Variants in CDC7 observed in about 807,000 individuals in gnomAD.
The protein encoded by CDC7 is cell division cycle 7-related protein kinase.
Under a neutral mutation model 53.5 loss-of-function variants are expected in CDC7, and 34 were observed. The observed-to-expected ratio is 0.64, with a 90% CI of 0.48 to 0.85. The LOEUF (loss-of-function observed/expected upper bound fraction) is 0.85, where lower values mean the gene tolerates loss of function less well. Among genes scored for constraint, CDC7 ranks in the 40% least tolerant of loss-of-function variants. The probability of loss-of-function intolerance (pLI) is 0.00; values close to 1 mark genes in which losing one functional copy is unlikely to be tolerated. For missense variants in CDC7, 594 were observed against 679.7 expected, an observed-to-expected ratio of 0.87 and a Z score of 1.40; for synonymous variants, 211 against 222.8, an observed-to-expected ratio of 0.95 and a Z score of 0.47.
chr1:91,525,231 A>AGATT lies in CDC7; in HGVS notation c.*800_*803dup. On this transcript the variant is annotated 3_prime_UTR_variant, in exon 12 of 12. Coordinates refer to ENST00000234626, the MANE Select transcript of CDC7 (RefSeq NM_003503.4). ...AAGGGAAGCTGCAGGACCAAGGTGAAGATTGATAGTCCAAATGCTTTTCTT... is the reference window on the plus strand; with the variant it reads ...AAGGGAAGCTGCAGGACCAAGGTGAAGATTGATTGATAGTCCAAATGCTTTTCTT... 1 of 152,280 alleles carries AGATT rather than the reference A, an allele frequency of 6.6e-6. No homozygotes were observed. The highest frequency in any genetic ancestry group is 1.9e-4 in the East Asian group (1 of 5,190). The allele number at this position is 152,280 out of a possible 1,614,324, so 9.4% of individuals were successfully genotyped here. A position where few individuals can be genotyped will look rare whatever the true frequency, so the allele number is the denominator to read the frequency against.
Position 91,525,623 on chromosome 1 carries a change from G to A in CDC7, c.*1188G>A, listed in dbSNP as rs1451174784. 1.3e-5 allele frequency: 2 copies of A among 151,920 alleles called. No homozygotes were observed. Among genetic ancestry groups the A allele is most frequent in the Non-Finnish European group, 2.9e-5 (2 of 67,922 alleles). The allele number at this position is 151,920 out of a possible 1,614,324, so 9.4% of individuals were successfully genotyped here. A position where few individuals can be genotyped will look rare whatever the true frequency, so the allele number is the denominator to read the frequency against. The stretch of plus-strand genomic sequence containing the variant: ...ATTTTGTTATTTTGAGCATTGATAG[G>A]TCAGTATATCTACCTAATCTGTTTG... On this transcript the variant is annotated 3_prime_UTR_variant, in exon 12 of 12. Coordinates refer to ENST00000234626, the MANE Select transcript of CDC7 (RefSeq NM_003503.4).
intron 11 of CDC7, among the ~76,000 whole-genome samples, chr1:91,523,470 C>A (rs1161596490): frequency 6.6e-6 from 1 of 152,008 alleles, no homozygotes; most frequent in Non-Finnish European, 1.5e-5. Context: ...AGAGCTCAGT[C>A]TACTAGGTGG....
In CDC7 at chr1:91,502,749, A is replaced by G. The variant is rs139262622; in HGVS notation, c.115+918A>G. 1.7e-3 allele frequency among the ~76,000 whole-genome samples: 254 copies of G among 152,168 alleles called. 1 individual carries two copies. Among genetic ancestry groups the G allele is most frequent in the African/African-American group, 5.7e-3 (238 of 41,508 alleles). The stretch of plus-strand genomic sequence containing the variant: ...TTCTTTCCATTCCCATTTCCACCAC[A>G]TTAATTAATTTCCTTACACTTTGTT... On this transcript the variant is annotated intron_variant, in intron 2 of 11. Transcript: ENST00000234626.
chr1:91,506,683 C>G (rs1232323478), intron 2 of CDC7, among the ~76,000 whole-genome samples: 2 of 152,152 alleles, frequency 1.3e-5, no homozygotes, highest in Non-Finnish European at 2.9e-5. Context: ...GGTGCGGCGG[C>G]TCACACCTGT....
In CDC7 at chr1:91,508,306, G is replaced by A. The variant is rs1013588395; in HGVS notation, c.244G>A (p.Gly82Arg). The stretch of plus-strand genomic sequence containing the variant: ...TTTGGCCACAGCACAGTTACAAGTA[G>A]GACCTGAAGAGAAAATTGCTCTAAA... ...VYLATAQLQV[G>R]PEEKIALKHL... Residue 82 changes from glycine to arginine, a missense_variant, in exon 4 of 12, where the codon GGA becomes AGA. Gly to Arg is a moderately radical substitution (Grantham distance 125). Transcript: ENST00000234626. The A allele has an allele frequency of 1.6e-5, 25 of 1,612,076 alleles. No homozygotes were observed. The highest frequency in any genetic ancestry group is 2.0e-5 in the Non-Finnish European group (24 of 1,178,804).
chr1:91,508,379 A>G lies in CDC7; in HGVS notation c.317A>G (p.Gln106Arg), dbSNP rs146823431. The G allele has an allele frequency of 1.8e-5, 29 of 1,609,522 alleles. No homozygotes were observed. The highest frequency in any genetic ancestry group is 2.4e-5 in the Non-Finnish European group (28 of 1,178,204). Residue 106 changes from glutamine (Q) to arginine (R), a missense_variant, in exon 4 of 12, where the codon CAG becomes CGG. By Grantham distance (43) the Gln-to-Arg change is conservative. Coordinates refer to ENST00000234626, the MANE Select transcript of CDC7 (RefSeq NM_003503.4). The part of the protein sequence containing the change: ...SHPIRIAAEL[Q>R]CLTVAGGQDN... ...CCTATAAGAATTGCAGCTGAACTTC[A>G]GTGCCTAACAGTGGCTGGGTAGGCA...
chr1:91,518,938 G>A (rs1191553994), intron 10 of CDC7, among the ~76,000 whole-genome samples: 1 of 151,634 alleles, frequency 6.6e-6, no homozygotes, highest in Non-Finnish European at 1.5e-5. Flanking sequence ...GTGTGCATCT[G>A]TGGTCCCAGC....
In CDC7 at chr1:91,524,388, G is replaced by A; in HGVS notation, c.1678G>A (p.Ala560Thr). Residue 560 changes from alanine (A) to threonine (T), a missense_variant, in exon 12 of 12, where the codon GCA becomes ACA. Coordinates refer to ENST00000234626, the MANE Select transcript of CDC7 (RefSeq NM_003503.4). Reference sequence around the variant, plus strand: ...TCTAAATCCAGCTTCAAGAATAACAGCAGAAGAAGCTTTGTTGCATCCATT... The same window carrying A: ...TCTAAATCCAGCTTCAAGAATAACAACAGAAGAAGCTTTGTTGCATCCATT... ...LDLNPASRIT[A>T]EEALLHPFFK... 6.2e-7 allele frequency: 1 copy of A among 1,612,116 alleles called. No individual in the cohort carries two copies. Among genetic ancestry groups the A allele is most frequent in the Non-Finnish European group, 8.5e-7 (1 of 1,179,610 alleles).
At chr1:91,511,533 T>C (rs1399106199) in intron 4 of CDC7, 64 bp from the exon 5 acceptor site, 2 of 1,030,878 alleles carry the variant, frequency 1.9e-6, no homozygotes, top group Admixed American at 2.3e-5. Context: ...TTTTTAAAAT[T>C]AGGCATAAAG....
intron 10 of CDC7, among the ~76,000 whole-genome samples, chr1:91,516,337 C>T (rs1224418996): frequency 1.3e-5 from 2 of 151,880 alleles, no homozygotes; most frequent in Non-Finnish European, 1.5e-5. Context: ...ATTATATAAA[C>T]AATATAATAG....
At chr1:91,519,062 A>G (rs1293225584) in intron 10 of CDC7, among the ~76,000 whole-genome samples, 4 of 117,866 alleles carry the variant, frequency 3.4e-5, no homozygotes, top group Admixed American at 1.6e-4. Flanking sequence ...CCCCATCTCG[A>G]AAAAAAAAAA....
At chr1:91,513,539 A>G (rs1310162130) in intron 7 of CDC7, among the ~76,000 whole-genome samples, 2 of 152,120 alleles carry the variant, frequency 1.3e-5, no homozygotes, top group Admixed American at 6.5e-5. Context: ...GTCATTAACT[A>G]TTATGAAATC....
chr1:91,508,466 C>A, intron 4 of CDC7, 69 bp downstream of exon 4: 2 of 1,261,090 alleles, frequency 1.6e-6, no homozygotes, highest in Non-Finnish European at 2.2e-6. Context: ...AGATATTTAG[C>A]AGGGATGAGG....
Position 91,502,818 on chromosome 1 carries a change from T to C in CDC7, c.115+987T>C, listed in dbSNP as rs2102317514. 3.3e-5 allele frequency among the ~76,000 whole-genome samples: 5 copies of C among 152,300 alleles called. No homozygotes were observed. The South Asian group carries it at 1.0e-3, about 32-fold the overall frequency. On this transcript the variant is annotated intron_variant, in intron 2 of 11. Transcript: ENST00000234626. ...CTCACCTATGCTGCCTGCTTGCACT[T>C]TTCCATTCTTCAGTTCATCTTGTAT...
At chr1:91,519,738 T>C (rs1667825248) in intron 10 of CDC7, among the ~76,000 whole-genome samples, 1 of 152,256 alleles carries the variant, frequency 6.6e-6, no homozygotes, top group South Asian at 2.1e-4. Flanking sequence ...TTGACCAGTA[T>C]GGTATGTAAT....
chr1:91,513,914 A>G (rs1667417680), intron 7 of CDC7, 34 bp from the exon 8 acceptor site: 1 of 1,442,548 alleles, frequency 6.9e-7, no homozygotes, highest in Non-Finnish European at 9.8e-7. Context: ...TACAGATATA[A>G]TCCTTATTTT....
intron 3 of CDC7, 104 bp downstream of exon 3, chr1:91,508,041 C>T: frequency 9.9e-7 from 1 of 1,010,004 alleles, no homozygotes; most frequent in Admixed American, 2.7e-5. Flanking sequence ...GAAAAATATA[C>T]CACTTTTTAG....
intron 8 of CDC7, 95 bp downstream of exon 8, chr1:91,514,138 T>C: frequency 1.3e-6 from 1 of 751,778 alleles, no homozygotes; most frequent in Non-Finnish European, 2.1e-6. Flanking sequence ...TCAGAAATTT[T>C]TTTAAACTAG....
chr1:91,513,600 A>G (rs1667402028), intron 7 of CDC7, among the ~76,000 whole-genome samples: 1 of 152,232 alleles, frequency 6.6e-6, no homozygotes, highest in African/African-American at 2.4e-5. Context: ...CATGTTAAAA[A>G]GTTCAGATTA....
Sources: gnomAD v4.1 joint callset for allele counts (sites outside exome capture counted in the v4.1 genomes callset) on GRCh38, gnomAD v4.1.1 for gene constraint, MANE v1.5 for transcripts, NCBI Gene and HGNC (gene_info 2026-07-23, HGNC 2026-07-21) for gene names.